The following ABCB11 variants were observed in gnomAD, a reference collection of about 807,000 sequenced individuals.
ABCB11 encodes the protein ATP binding cassette subfamily B member 11, also known as bile salt export pump.
In ABCB11, 95 loss-of-function variants were observed where a neutral mutation model predicts 148.0. That is an observed-to-expected ratio of 0.64 (90% CI 0.54 to 0.76). The LOEUF is 0.76. Ranked by LOEUF, ABCB11 falls within the 30% of genes least tolerant of loss-of-function variation. The probability of loss-of-function intolerance (pLI) is 0.00; values close to 1 mark genes in which losing one functional copy is unlikely to be tolerated. For missense variants in ABCB11, 1,523 were observed against 1,617.8 expected (o/e 0.94, Z 1.01); for synonymous variants, 591 against 555.4 (o/e 1.06, Z -0.90).
chr2:168,936,449 C>G lies in ABCB11; in HGVS notation c.2611-16G>C, dbSNP rs1435466103. 1 of 1,613,268 alleles carries G rather than the reference C, an allele frequency of 6.2e-7. No individual in the cohort carries two copies. ...AGCCGGCAGCCTGCAAACCAAAAAGCAATCAACCCGTCTCAGACACACAGT... is the reference window on the plus strand; with the variant it reads ...AGCCGGCAGCCTGCAAACCAAAAAGGAATCAACCCGTCTCAGACACACAGT... On this transcript the variant is annotated splice_polypyrimidine_tract_variant and intron_variant, in intron 21 of 27. Coordinates refer to ENST00000650372, the MANE Select transcript of ABCB11 (RefSeq NM_003742.4).
intron 10 of ABCB11, among the ~76,000 whole-genome samples, chr2:168,985,754 G>C (rs1178796439): frequency 6.6e-6 from 1 of 152,014 alleles, no homozygotes; most frequent in African/African-American, 2.4e-5. Flanking sequence ...AGGATGCAAA[G>C]GCATAAGAAT....
At chr2:169,016,860 G>T in intron 2 of ABCB11, 61 bp from the exon 3 acceptor site, 1 of 1,307,230 alleles carries the variant, frequency 7.6e-7, no homozygotes, top group Non-Finnish European at 1.1e-6. Flanking sequence ...ATGCAACGCA[G>T]TCATTAAGAA....
chr2:168,970,324 T>C, intron 14 of ABCB11, 109 bp from the exon 15 acceptor site: 1 of 1,543,350 alleles, frequency 6.5e-7, no homozygotes, highest in Admixed American at 2.0e-5. Context: ...GCACGAATTT[T>C]CACTGCTCCG....
intron 9 of ABCB11, among the ~76,000 whole-genome samples, chr2:168,990,584 A>G (rs746251325): frequency 1.3e-5 from 2 of 152,098 alleles, no homozygotes; most frequent in African/African-American, 2.4e-5. Context: ...AAAATTGCCA[A>G]CTGCAACATC....
chr2:168,943,824 T>C (rs752434276), intron 21 of ABCB11, among the ~76,000 whole-genome samples: 1 of 152,032 alleles, frequency 6.6e-6, no homozygotes, highest in Admixed American at 6.6e-5. Context: ...CAGACCATAG[T>C]TCAGTTTTAA....
At chr2:168,937,562 A>AG (rs1691885822) in intron 21 of ABCB11, among the ~76,000 whole-genome samples, 2 of 152,228 alleles carry the variant, frequency 1.3e-5, no homozygotes, top group Admixed American at 6.5e-5. Context: ...GTGCTAGAGC[A>AG]GTCTGTCTGA....
chr2:168,969,871 C>G (rs1693494496), intron 15 of ABCB11, among the ~76,000 whole-genome samples, 174 bp downstream of exon 15: 1 of 152,048 alleles, frequency 6.6e-6, no homozygotes, highest in Non-Finnish European at 1.5e-5. Context: ...TTCTTCTGTT[C>G]AACTGTGAGG....
rs148953246 is a variant in ABCB11, at chr2:169,009,786, ACT to A, written c.389+3484_389+3485del. ...AATTGACTGTGGCAGTGAATGCACA[ACT>A]CTGTAAATATACTAAAAAACATCTA... On this transcript the variant is annotated intron_variant, in intron 5 of 27. Transcript: ENST00000650372. 0.015 allele frequency among the ~76,000 whole-genome samples: 2,239 copies of A among 152,206 alleles called. 234 individuals are homozygous for A. The East Asian group carries it at 0.29, about 20-fold the overall frequency.
At position 169,016,804 on chromosome 2, in the gene ABCB11, C is replaced by A; in HGVS notation, c.77-5G>T. 6.3e-7 allele frequency: 1 copy of A among 1,583,240 alleles called. No homozygotes were observed. Among genetic ancestry groups the A allele is most frequent in the South Asian group, 1.2e-5 (1 of 85,104 alleles). On this transcript the variant is annotated splice_region_variant and splice_polypyrimidine_tract_variant and intron_variant, in intron 2 of 27. Transcript: ENST00000650372. ...TTGATTTCTTATCATTATTATCTGT[C>A]AGAAAAAAAAATCAACGCAAAAAAG...
intron 19 of ABCB11, among the ~76,000 whole-genome samples, chr2:168,953,971 T>A (rs1392428894): frequency 6.6e-6 from 1 of 151,694 alleles, no homozygotes; most frequent in African/African-American, 2.4e-5. Flanking sequence ...TTGATTGATG[T>A]CTCGTGTCTC....
At chr2:168,999,012 T>A (rs930094806) in intron 5 of ABCB11, among the ~76,000 whole-genome samples, 1 of 152,220 alleles carries the variant, frequency 6.6e-6, no homozygotes, top group African/African-American at 2.4e-5. Flanking sequence ...ATTGCCTGAA[T>A]GTTGGGAACA....
In ABCB11 at chr2:168,958,105, T is replaced by G. The variant is rs369865521; in HGVS notation, c.2202A>C (p.Glu734Asp). The G allele has an allele frequency of 2.7e-5, 43 of 1,611,028 alleles. No individual in the cohort carries two copies. Among genetic ancestry groups the G allele is most frequent in the Non-Finnish European group, 1.4e-5 (16 of 1,178,116 alleles). ...TCCTAACTGGGGCAGGTTCAACTTCTTCCTGCACAGGAATGTCCTTGTCCT... is the reference window on the plus strand; with the variant it reads ...TCCTAACTGGGGCAGGTTCAACTTCGTCCTGCACAGGAATGTCCTTGTCCT... ...DRKDKDIPVQ[E>D]EVEPAPVRRI... Residue 734 changes from glutamate (E) to aspartate (D), a missense_variant, in exon 19 of 28, where the codon GAA (glutamate) becomes GAC (aspartate). Physicochemically the swap from Glu to Asp is conservative, Grantham distance 45 (BLOSUM62 2). Coordinates refer to ENST00000650372, the MANE Select transcript of ABCB11 (RefSeq NM_003742.4).
At chr2:168,935,474 T>C in intron 22 of ABCB11, 49 bp from the exon 23 acceptor site, 1 of 1,562,294 alleles carries the variant, frequency 6.4e-7, no homozygotes, top group Non-Finnish European at 8.7e-7. Context: ...AAATAACTCC[T>C]TTCGTGACAT....
chr2:168,968,622 G>T, intron 16 of ABCB11, 132 bp from the exon 17 acceptor site: 1 of 742,560 alleles, frequency 1.3e-6, no homozygotes, highest in Non-Finnish European at 2.1e-6. Context: ...TAACTTTATT[G>T]CAATAAATAA....
At chr2:168,968,551 A>T (rs1350018034) in intron 16 of ABCB11, 61 bp from the exon 17 acceptor site, 84 of 1,343,110 alleles carry the variant, frequency 6.3e-5, no homozygotes, top group Non-Finnish European at 8.3e-5. Flanking sequence ...ATATCCAAGT[A>T]GAATTCTTTA....
At chr2:169,027,969 G>A (rs887086727) in intron 1 of ABCB11, among the ~76,000 whole-genome samples, 3 of 152,126 alleles carry the variant, frequency 2.0e-5, no homozygotes, top group Non-Finnish European at 2.9e-5. Flanking sequence ...TGGGCTGAAA[G>A]ATACCATTAC....
intron 3 of ABCB11, 68 bp from the exon 4 acceptor site, chr2:169,014,422 G>T (rs1311408642): frequency 1.4e-6 from 2 of 1,436,672 alleles, no homozygotes; most frequent in Admixed American, 1.8e-5. Flanking sequence ...TCCCTAGGTG[G>T]TGATTTTATG....
intron 3 of ABCB11, among the ~76,000 whole-genome samples, chr2:169,015,956 A>C (rs1317263089): frequency 6.6e-6 from 1 of 152,188 alleles, no homozygotes; most frequent in African/African-American, 2.4e-5. Flanking sequence ...CTCAACATGC[A>C]ATGCACACTT....
rs746408716 is a variant in ABCB11, at chr2:168,958,113, C to T, written c.2194G>A (p.Val732Met). ...EEDRKDKDIP[V>M]QEEVEPAPVR... ...GGGGCAGGTTCAACTTCTTCCTGCA[C>T]AGGAATGTCCTTGTCCTTGAGCAGA... The change falls in exon 19 of 28, where the codon GTG becomes ATG. Residue 732 changes from valine (V) to methionine (M), a missense_variant. By Grantham distance (21) the Val-to-Met change is conservative. Coordinates refer to ENST00000650372, the MANE Select transcript of ABCB11 (RefSeq NM_003742.4). 1.9e-6 allele frequency: 3 copies of T among 1,610,882 alleles called. No homozygotes were observed. The highest frequency in any genetic ancestry group is 1.7e-5 in the Admixed American group (1 of 59,756).
Sources: allele counts gnomAD v4.1 joint callset (sites outside exome capture counted in the v4.1 genomes callset), GRCh38; gene constraint gnomAD v4.1.1; transcripts MANE v1.5; gene names NCBI Gene and HGNC (gene_info 2026-07-23, HGNC 2026-07-21).